Variants in BRINP3 observed in about 807,000 individuals in gnomAD.
BRINP3 encodes the protein BMP/retinoic acid-inducible neural-specific protein 3.
Under a neutral mutation model 71.0 loss-of-function variants are expected in BRINP3, and 19 were observed. The observed-to-expected ratio is 0.27, with a 90% CI of 0.19 to 0.39. BRINP3 has a LOEUF of 0.39. Among genes scored for constraint, BRINP3 ranks in the 10% least tolerant of loss-of-function variants. BRINP3 has a pLI of 1.00. For missense variants in BRINP3, 959 were observed against 940.8 expected (o/e 1.02, Z -0.25); for synonymous variants, 380 against 337.7 (o/e 1.13, Z -1.37).
At chr1:190,181,441 T>C (rs1288606036) in intron 6 of BRINP3, among the ~76,000 whole-genome samples, 1 of 152,082 alleles carries the variant, frequency 6.6e-6, no homozygotes. Flanking sequence ...TCTCTTGTCA[T>C]TCCTTGTTTT....
chr1:190,385,403 A>T (rs1254176801), intron 2 of BRINP3, among the ~76,000 whole-genome samples: 2 of 152,024 alleles, frequency 1.3e-5, no homozygotes, highest in Non-Finnish European at 2.9e-5. Flanking sequence ...AAACAACCCC[A>T]TCAAAAAGTG....
chr1:190,384,534 A>C lies in BRINP3; in HGVS notation c.236+70121T>G, dbSNP rs1046891993. ...AATAAATTCCCAAAATTTTACGTTC[A>C]GGAGCTTAGTCTATAGAAATATTGA... On this transcript the variant is annotated intron_variant, in intron 2 of 7. Transcript: ENST00000367462. 6.6e-5 allele frequency among the ~76,000 whole-genome samples: 10 copies of C among 151,958 alleles called. No individual in the cohort carries two copies. In the East Asian group the frequency reaches 1.9e-3, roughly 29 times the overall value.
intron 2 of BRINP3, among the ~76,000 whole-genome samples, chr1:190,421,785 T>A (rs1353914262): frequency 6.6e-6 from 1 of 151,804 alleles, no homozygotes. Context: ...CTAGCTATAG[T>A]TTTTGAGAAA....
At chr1:190,126,319 T>C (rs530785963) in intron 7 of BRINP3, among the ~76,000 whole-genome samples, 1 of 152,032 alleles carries the variant, frequency 6.6e-6, no homozygotes, top group South Asian at 2.1e-4. Context: ...ATCTCTGCAC[T>C]TCCCATATGT....
chr1:190,378,668 G>C (rs1558233309), intron 2 of BRINP3, among the ~76,000 whole-genome samples: 1 of 152,192 alleles, frequency 6.6e-6, no homozygotes, highest in Non-Finnish European at 1.5e-5. Flanking sequence ...AAGAAAGGCA[G>C]AGACAAATAT....
At chr1:190,147,153 T>C (rs1042609495) in intron 7 of BRINP3, among the ~76,000 whole-genome samples, 2 of 152,088 alleles carry the variant, frequency 1.3e-5, no homozygotes, top group African/African-American at 2.4e-5. Flanking sequence ...TTTAAAATTA[T>C]ATTCTATGGG....
intron 2 of BRINP3, among the ~76,000 whole-genome samples, chr1:190,290,894 TGTGTGTGTGTGTGCAC>T (rs887232938): frequency 1.6e-4 from 24 of 150,940 alleles, no homozygotes; most frequent in Admixed American, 3.3e-4. Flanking sequence ...TGTGAGTGTT[TGTGTGTGTGTGTGCAC>T]GTGTGTGTGT....
chr1:190,399,559 T>G (rs2102348798), intron 2 of BRINP3, among the ~76,000 whole-genome samples: 1 of 152,176 alleles, frequency 6.6e-6, no homozygotes, highest in South Asian at 2.1e-4. Flanking sequence ...TGTAGTACTC[T>G]CCTGTTCATA....
intron 4 of BRINP3, among the ~76,000 whole-genome samples, chr1:190,261,905 A>G (rs568001332): frequency 1.2e-4 from 19 of 152,296 alleles, no homozygotes; most frequent in African/African-American, 2.2e-4. Context: ...TTATTCAACT[A>G]GAAAATATTT....
intron 2 of BRINP3, among the ~76,000 whole-genome samples, chr1:190,332,913 CT>C: frequency 6.6e-6 from 1 of 151,800 alleles, no homozygotes; most frequent in East Asian, 1.9e-4. Context: ...TTTCACTTTT[CT>C]TTTTCATGCA....
intron 7 of BRINP3, among the ~76,000 whole-genome samples, chr1:190,105,305 A>T (rs960288931): frequency 6.6e-6 from 1 of 152,104 alleles, no homozygotes; most frequent in Non-Finnish European, 1.5e-5. Context: ...ACACATACAC[A>T]CACACACACT....
chr1:190,283,752 A>G (rs1449363594), intron 2 of BRINP3, among the ~76,000 whole-genome samples: 1 of 151,272 alleles, frequency 6.6e-6, no homozygotes, highest in African/African-American at 2.4e-5. Context: ...CAGGATATAT[A>G]GTAATACAAA....
chr1:190,294,841 C>G (rs1035920931), intron 2 of BRINP3, among the ~76,000 whole-genome samples: 1 of 151,904 alleles, frequency 6.6e-6, no homozygotes, highest in African/African-American at 2.4e-5. Context: ...AAAGGGTGCC[C>G]TGACCCTAGG....
chr1:190,204,305 A>T (rs898801979), intron 6 of BRINP3, among the ~76,000 whole-genome samples: 1 of 152,000 alleles, frequency 6.6e-6, no homozygotes, highest in African/African-American at 2.4e-5. Flanking sequence ...CCTTAAGAAG[A>T]AAATGGAACA....
chr1:190,441,248 A>G (rs1350504013), intron 2 of BRINP3, among the ~76,000 whole-genome samples: 1 of 152,040 alleles, frequency 6.6e-6, no homozygotes, highest in African/African-American at 2.4e-5. Context: ...GAGGGAAATG[A>G]GGAACACACA....
chr1:190,475,898 T>C (rs886930026), intron 1 of BRINP3: 10 of 152,102 alleles, frequency 6.6e-5, no homozygotes, highest in Admixed American at 3.3e-4. Flanking sequence ...CCAAAGAGAA[T>C]GTTTGAATTG....
rs563891453 is a variant in BRINP3, at chr1:190,350,818, C to A, written c.237-69068G>T. Among the ~76,000 whole-genome samples, 4 of 117,944 alleles carry A rather than the reference C, an allele frequency of 3.4e-5. No homozygotes were observed. The South Asian group carries it at 1.2e-3, about 34-fold the overall frequency. 77.4% of individuals were successfully genotyped at this position (117,944 alleles called of 152,430 possible). A position where few individuals can be genotyped will look rare whatever the true frequency, so the allele number is the denominator to read the frequency against. On this transcript the variant is annotated intron_variant, in intron 2 of 7. Coordinates refer to ENST00000367462, the MANE Select transcript of BRINP3 (RefSeq NM_199051.3). ...CTGCAGCCAGAATCAATCAAGTTCA[C>A]CTTGTTTTTTTTTTTTTTTTTTAGA...
At chr1:190,383,646 T>C (rs1474399845) in intron 2 of BRINP3, among the ~76,000 whole-genome samples, 1 of 152,036 alleles carries the variant, frequency 6.6e-6, no homozygotes, top group Non-Finnish European at 1.5e-5. Flanking sequence ...TATTTGCCAC[T>C]TTGCAATCCA....
chr1:190,342,235 T>C (rs1190396642), intron 2 of BRINP3, among the ~76,000 whole-genome samples: 2 of 151,652 alleles, frequency 1.3e-5, no homozygotes, highest in African/African-American at 4.8e-5. Context: ...GGCTATCATA[T>C]AGTATTTTTT....
Sources: allele counts gnomAD v4.1 joint callset (sites outside exome capture counted in the v4.1 genomes callset), GRCh38; gene constraint gnomAD v4.1.1; transcripts MANE v1.5; gene names NCBI Gene and HGNC (gene_info 2026-07-23, HGNC 2026-07-21).